CWC22: variants seen among roughly 807,000 people sequenced by gnomAD.
CWC22 encodes the protein CWC22 spliceosome associated protein, also known as pre-mRNA-splicing factor CWC22 homolog.
In CWC22, 53 loss-of-function variants were observed where a neutral mutation model predicts 117.2. The ratio of observed to expected loss-of-function variants is 0.45; its 90% CI spans 0.36 to 0.57. The LOEUF is 0.57. Among genes scored for constraint, CWC22 ranks in the 20% least tolerant of loss-of-function variants. The pLI, the probability that CWC22 is intolerant of heterozygous loss-of-function variation, is 0.00. For missense variants in CWC22, 980 were observed against 1,068.8 expected, an observed-to-expected ratio of 0.92 and a Z score of 1.16; for synonymous variants, 360 against 355.6, an observed-to-expected ratio of 1.01 and a Z score of -0.14.
intron 1 of CWC22, among the ~76,000 whole-genome samples, chr2:180,004,111 A>C (rs166379): frequency 0.35 from 53,784 of 152,048 alleles, 10,016 homozygotes; most frequent in Admixed American, 0.51. Context: ...AAGTTATAAG[A>C]GGGATGCATG....
intron 1 of CWC22, among the ~76,000 whole-genome samples, chr2:179,996,856 C>G (rs1176586917): frequency 3.6e-5 from 5 of 137,608 alleles, no homozygotes; most frequent in African/African-American, 1.4e-4. Flanking sequence ...ACGTAGAATT[C>G]CAGCAAAAAC....
chr2:179,955,116 G>A, intron 14 of CWC22, 82 bp from the exon 15 acceptor site: 1 of 984,312 alleles, frequency 1.0e-6, no homozygotes, highest in Non-Finnish European at 1.5e-6. Context: ...GATAGTGACT[G>A]CCTGCATTTT....
At chr2:179,947,011 A>C (rs1686324454) in intron 19 of CWC22, among the ~76,000 whole-genome samples, 1 of 152,206 alleles carries the variant, frequency 6.6e-6, no homozygotes, top group Non-Finnish European at 1.5e-5. Context: ...ATACTGAAAT[A>C]ACCACTTTAA....
At chr2:179,970,025 A>G (rs1184182267) in intron 11 of CWC22, among the ~76,000 whole-genome samples, 1 of 152,188 alleles carries the variant, frequency 6.6e-6, no homozygotes, top group African/African-American at 2.4e-5. Context: ...CAATATACCA[A>G]TGATGTACAA....
chr2:179,988,631 T>G lies in CWC22; in HGVS notation c.41A>C (p.His14Pro), dbSNP rs766549533. The change falls in exon 3 of 20, where the codon CAT becomes CCT. Residue 14 changes from histidine to proline, a missense_variant. This residue lies in a region of CWC22 where 559 missense variants were observed against 602.3 expected (regional missense o/e 0.93). Coordinates refer to ENST00000410053, the MANE Select transcript of CWC22 (RefSeq NM_020943.3). ...TGAATTAAGGTTTTCCCTTCTGTCA[T>G]GACCAGAAGAAGGCTTTAAAAGAGG... ...SVAQIKPSSG[H>P]DRRENLNSYQ... 5 of 1,513,768 alleles carry G rather than the reference T, an allele frequency of 3.3e-6. No individual in the cohort carries two copies. Among genetic ancestry groups the G allele is most frequent in the Non-Finnish European group, 3.6e-6 (4 of 1,122,512 alleles). 93.8% of individuals were successfully genotyped at this position (1,513,768 alleles called of 1,614,324 possible).
intron 5 of CWC22, 106 bp downstream of exon 5, chr2:179,981,646 C>A (rs930405604): frequency 5.6e-5 from 51 of 918,036 alleles, no homozygotes; most frequent in African/African-American, 1.3e-4. Context: ...GTCTCTATCA[C>A]TATAGACTAA....
At chr2:179,961,488 G>A (rs905676529) in intron 13 of CWC22, among the ~76,000 whole-genome samples, 2 of 151,916 alleles carry the variant, frequency 1.3e-5, no homozygotes, top group Non-Finnish European at 2.9e-5. Context: ...ATATTAAACA[G>A]TATCTAACAT....
intron 3 of CWC22, among the ~76,000 whole-genome samples, chr2:179,988,056 A>G (rs1168610584): frequency 6.6e-6 from 1 of 152,188 alleles, no homozygotes; most frequent in Non-Finnish European, 1.5e-5. Context: ...ACAGTTCACA[A>G]GAGGGTTTGT....
In CWC22 at chr2:179,954,189, T is replaced by C. The variant is rs781301479; in HGVS notation, c.1689+16A>G. The C allele has an allele frequency of 5.1e-6, 8 of 1,575,658 alleles. No homozygotes were observed. Among genetic ancestry groups the C allele is most frequent in the Non-Finnish European group, 6.1e-6 (7 of 1,153,154 alleles). On this transcript the variant is annotated intron_variant, in intron 16 of 19. Transcript: ENST00000410053. ...GGAATTAGGAAGGAAGTATAAATATTGACCCATGTACTTACACTCCATGGA... is the reference window on the plus strand; with the variant it reads ...GGAATTAGGAAGGAAGTATAAATATCGACCCATGTACTTACACTCCATGGA...
intron 4 of CWC22, among the ~76,000 whole-genome samples, chr2:179,986,303 CTA>C (rs1300033393): frequency 9.2e-5 from 14 of 152,124 alleles, no homozygotes; most frequent in Admixed American, 7.9e-4. Context: ...TTAGACCACT[CTA>C]TATCATACAA....
intron 16 of CWC22, 50 bp downstream of exon 16, chr2:179,954,155 T>G (rs1426405887): frequency 6.9e-7 from 1 of 1,440,274 alleles, no homozygotes; most frequent in African/African-American, 1.4e-5. Flanking sequence ...AAAATCTATT[T>G]GAGAACAGGG....
chr2:179,987,005 A>C (rs557662353), intron 3 of CWC22, among the ~76,000 whole-genome samples, 200 bp from the exon 4 acceptor site: 1 of 151,964 alleles, frequency 6.6e-6, no homozygotes, highest in African/African-American at 2.4e-5. Flanking sequence ...CAGCAAAACA[A>C]CTCCTAGGAT....
Position 179,981,820 on chromosome 2 carries a change from G to A in CWC22, c.384C>T (p.Arg128=). 1.9e-6 allele frequency: 3 copies of A among 1,613,894 alleles called. No individual in the cohort carries two copies. The highest frequency in any genetic ancestry group is 2.5e-6 in the Non-Finnish European group (3 of 1,179,842). ...KKDELDPLLT[R]TGGAYIPPAK... is the part of the protein sequence containing the mutation. ...CAGGGGGAATATATGCTCCACCAGTGCGAGTAAGAAGAGGATCCAGCTCAT... is the reference window on the plus strand; with the variant it reads ...CAGGGGGAATATATGCTCCACCAGTACGAGTAAGAAGAGGATCCAGCTCAT... The change falls in exon 5 of 20, where the codon CGC becomes CGT. Residue 128 remains arginine (R), a synonymous_variant. Transcript: ENST00000410053.
chr2:179,973,793 C>T lies in CWC22; in HGVS notation c.591G>A (p.Leu197=). 1 of 1,555,328 alleles carries T rather than the reference C, an allele frequency of 6.4e-7. No individual in the cohort carries two copies. Among genetic ancestry groups the T allele is most frequent in the Non-Finnish European group, 8.7e-7 (1 of 1,151,662 alleles). The part of the protein sequence containing the change: ...QENIVRGRGL[L]SRSVLQAQSA... ...TCTGTGCTTGCAAAACAGACCTGGACAGCAGTCCTCTGTTTAAAAAAGAAT... is the reference window on the plus strand; with the variant it reads ...TCTGTGCTTGCAAAACAGACCTGGATAGCAGTCCTCTGTTTAAAAAAGAAT... Residue 197 remains leucine (L), a synonymous_variant, in exon 7 of 20, where the codon CTG becomes CTA. Transcript: ENST00000410053.
chr2:180,001,527 G>A (rs818661), intron 1 of CWC22, among the ~76,000 whole-genome samples: 15,842 of 151,864 alleles, frequency 0.1, 868 homozygotes, highest in Non-Finnish European at 0.13. Flanking sequence ...ATGGGGTTTC[G>A]CCATGTTGGC....
intron 1 of CWC22, among the ~76,000 whole-genome samples, chr2:179,996,731 G>C (rs948851524): frequency 1.4e-4 from 22 of 152,026 alleles, no homozygotes; most frequent in African/African-American, 5.3e-4. Flanking sequence ...ACACGGTAAA[G>C]ATGGTAAATT....
chr2:179,980,793 C>A (rs1210709154), intron 5 of CWC22, among the ~76,000 whole-genome samples: 1 of 152,168 alleles, frequency 6.6e-6, no homozygotes, highest in Non-Finnish European at 1.5e-5. Context: ...CTGTCTGGCT[C>A]ACCTTGCATC....
chr2:179,983,213 C>CTA (rs1346258110), intron 4 of CWC22, among the ~76,000 whole-genome samples: 1 of 151,898 alleles, frequency 6.6e-6, no homozygotes, highest in Non-Finnish European at 1.5e-5. Flanking sequence ...AATATTAAAC[C>CTA]TAGTATTCAT....
intron 16 of CWC22, among the ~76,000 whole-genome samples, chr2:179,953,045 T>C (rs1686493017): frequency 6.6e-6 from 1 of 152,098 alleles, no homozygotes; most frequent in South Asian, 2.1e-4. Context: ...ATATTAAGAC[T>C]GTGGCTTAAA....
Sources: allele counts gnomAD v4.1 joint callset (sites outside exome capture counted in the v4.1 genomes callset), GRCh38; gene constraint gnomAD v4.1.1; regional missense constraint gnomAD v4.1.1; transcripts MANE v1.5; gene names NCBI Gene and HGNC (gene_info 2026-07-23, HGNC 2026-07-21).